ZFPM2: variants seen among roughly 807,000 people sequenced by gnomAD.
ZFPM2 encodes the protein zinc finger protein ZFPM2.
In ZFPM2, 20 loss-of-function variants were observed where a neutral mutation model predicts 98.6. The ratio of observed to expected loss-of-function variants is 0.20; its 90% confidence interval spans 0.14 to 0.29. The LOEUF is 0.29. ZFPM2 is among the 10% of genes least tolerant of loss of function. The pLI is 1.00. For missense variants in ZFPM2, 1,310 were observed against 1,388.6 expected (o/e 0.94, Z 0.90); for synonymous variants, 518 against 502.7 (o/e 1.03, Z -0.41).
At chr8:105,749,257 T>C (rs188894104) in intron 5 of ZFPM2, among the ~76,000 whole-genome samples, 81 of 152,174 alleles carry the variant, frequency 5.3e-4, no homozygotes, top group African/African-American at 1.8e-3. Flanking sequence ...AGTCTGCCTC[T>C]ATCTGGGTAA....
chr8:105,489,038 A>T (rs1425682430), intron 3 of ZFPM2, among the ~76,000 whole-genome samples: 1 of 152,178 alleles, frequency 6.6e-6, no homozygotes, highest in Non-Finnish European at 1.5e-5. Context: ...TACCTGTAAT[A>T]TTCATAAGTT....
chr8:105,724,215 A>T (rs1351887592), intron 5 of ZFPM2, among the ~76,000 whole-genome samples: 1 of 151,886 alleles, frequency 6.6e-6, no homozygotes, highest in Non-Finnish European at 1.5e-5. Context: ...AAAGTGCAAG[A>T]TTTCTATGCC....
At position 105,392,938 on chromosome 8, in the gene ZFPM2, C is replaced by G. The variant is rs1330166945; in HGVS notation, c.41-26206C>G. 3.3e-5 allele frequency among the ~76,000 whole-genome samples: 5 copies of G among 152,098 alleles called. No individual in the cohort carries two copies. The East Asian group carries it at 9.6e-4, about 29-fold the overall frequency. On this transcript the variant is annotated intron_variant, in intron 1 of 7. Coordinates refer to ENST00000407775, the MANE Select transcript of ZFPM2 (RefSeq NM_012082.4). ...CCAAGTTCTATTTGAAGCTTTAACA[C>G]TTGGAATTATGTGTAAGGCTGCCTT...
chr8:105,486,981 G>A (rs1188186086), intron 3 of ZFPM2, among the ~76,000 whole-genome samples: 1 of 152,112 alleles, frequency 6.6e-6, no homozygotes, highest in Non-Finnish European at 1.5e-5. Context: ...TCACAATTAG[G>A]ATAAACTCAC....
chr8:105,394,314 A>G (rs1409049516), intron 1 of ZFPM2, among the ~76,000 whole-genome samples: 1 of 152,184 alleles, frequency 6.6e-6, no homozygotes, highest in African/African-American at 2.4e-5. Context: ...TGTTTAGGGA[A>G]GGGTGTTTTA....
intron 4 of ZFPM2, among the ~76,000 whole-genome samples, chr8:105,617,569 G>A (rs1205911448): frequency 6.6e-6 from 1 of 152,136 alleles, no homozygotes; most frequent in Non-Finnish European, 1.5e-5. Flanking sequence ...CGGCCAGACC[G>A]CCTGCTCAGA....
intron 3 of ZFPM2, among the ~76,000 whole-genome samples, chr8:105,542,982 A>G (rs541103008): frequency 6.6e-6 from 1 of 152,290 alleles, no homozygotes; most frequent in Admixed American, 6.5e-5. Context: ...CAGGAAGTCA[A>G]GGTGGGTCAT....
chr8:105,385,916 A>G lies in ZFPM2; in HGVS notation c.41-33228A>G, dbSNP rs570415201. Among the ~76,000 whole-genome samples the G allele has an allele frequency of 3.9e-5, 6 of 152,290 alleles. No individual in the cohort carries two copies. In the East Asian group the frequency reaches 5.8e-4, roughly 15 times the overall value. The stretch of plus-strand genomic sequence containing the variant: ...TAAGTATATGGGTTCTGAGGTCAGA[A>G]CTGGCTTATATTCCAGTTCTGCAGC... On this transcript the variant is annotated intron_variant, in intron 1 of 7. Coordinates refer to ENST00000407775, the MANE Select transcript of ZFPM2 (RefSeq NM_012082.4).
rs1586296442 is a variant in ZFPM2, at chr8:105,330,635, T to TATATATATACACATATATATATATAC, written c.40+11663_40+11664insCACATATATATATATACATATATATA. ...ACACATATATATATATATATATACA[T>TATATATATACACATATATATATATAC]ATATATATATATATTTTTCAGGAAT... On this transcript the variant is annotated intron_variant, in intron 1 of 7. Coordinates refer to ENST00000407775, the MANE Select transcript of ZFPM2 (RefSeq NM_012082.4). 3.3e-5 allele frequency among the ~76,000 whole-genome samples: 3 copies of TATATATATACACATATATATATATAC among 91,934 alleles called. No individual in the cohort carries two copies. The Admixed American group carries it at 4.2e-4, about 13-fold the overall frequency. 60.3% of individuals were successfully genotyped at this position (91,934 alleles called of 152,430 possible). A position where few individuals can be genotyped will look rare whatever the true frequency, so the allele number is the denominator to read the frequency against.
intron 6 of ZFPM2, among the ~76,000 whole-genome samples, chr8:105,795,575 G>C (rs1813775863): frequency 6.7e-6 from 1 of 149,764 alleles, no homozygotes; most frequent in African/African-American, 2.5e-5. Context: ...GTGTATCCTG[G>C]ATAAATCAAG....
intron 5 of ZFPM2, among the ~76,000 whole-genome samples, chr8:105,667,345 A>G (rs1227433121): frequency 2.0e-5 from 3 of 152,226 alleles, no homozygotes; most frequent in East Asian, 1.9e-4. Flanking sequence ...TGTACCAACA[A>G]TGGGAAGATC....
chr8:105,673,649 A>G (rs181327994), intron 5 of ZFPM2, among the ~76,000 whole-genome samples: 55 of 152,264 alleles, frequency 3.6e-4, no homozygotes, highest in Admixed American at 2.6e-3. Context: ...TTAAAACTTA[A>G]CTTTTTTTCT....
chr8:105,585,921 C>A (rs1354176071), intron 4 of ZFPM2, among the ~76,000 whole-genome samples: 1 of 150,810 alleles, frequency 6.6e-6, no homozygotes, highest in Non-Finnish European at 1.5e-5. Context: ...AAGAAGAGGC[C>A]TGAAGAATGA....
intron 5 of ZFPM2, among the ~76,000 whole-genome samples, chr8:105,760,854 T>C (rs1467067857): frequency 2.0e-5 from 3 of 152,026 alleles, no homozygotes; most frequent in Admixed American, 2.0e-4. Context: ...GAACTAATAT[T>C]GTTGAGTCCC....
At chr8:105,595,610 G>A (rs1815952937) in intron 4 of ZFPM2, among the ~76,000 whole-genome samples, 1 of 152,092 alleles carries the variant, frequency 6.6e-6, no homozygotes, top group Non-Finnish European at 1.5e-5. Flanking sequence ...GAAGTGTTTG[G>A]AGGAAACACA....
chr8:105,474,006 C>T (rs1586398652), intron 3 of ZFPM2, among the ~76,000 whole-genome samples: 1 of 152,166 alleles, frequency 6.6e-6, no homozygotes, highest in Non-Finnish European at 1.5e-5. Flanking sequence ...AAACAGGCTA[C>T]CCTGCCATAT....
intron 1 of ZFPM2, among the ~76,000 whole-genome samples, chr8:105,335,044 C>G (rs762950435): frequency 1.3e-5 from 2 of 151,614 alleles, no homozygotes; most frequent in African/African-American, 4.8e-5. Context: ...TAAATACCCC[C>G]TGATAATTAT....
chr8:105,637,684 G>C (rs1414654594), intron 5 of ZFPM2, among the ~76,000 whole-genome samples: 3 of 151,890 alleles, frequency 2.0e-5, no homozygotes, highest in African/African-American at 7.3e-5. Context: ...ATTTTACTAG[G>C]GATTGTTTGG....
chr8:105,625,087 T>C (rs1345367009), intron 4 of ZFPM2, among the ~76,000 whole-genome samples: 1 of 152,194 alleles, frequency 6.6e-6, no homozygotes, highest in Non-Finnish European at 1.5e-5. Flanking sequence ...TCCTGGAATC[T>C]CCATTCATAA....
Sources: gnomAD v4.1 joint callset for allele counts (sites outside exome capture counted in the v4.1 genomes callset) on GRCh38, gnomAD v4.1.1 for gene constraint, MANE v1.5 for transcripts, NCBI Gene and HGNC (gene_info 2026-07-23, HGNC 2026-07-21) for gene names.